TET2: variants seen among roughly 807,000 people sequenced by gnomAD.
TET2 encodes the protein methylcytosine dioxygenase TET2.
TET2 carries 299 observed loss-of-function variants against 142.9 expected under a neutral mutation model. The observed-to-expected ratio is 2.09, with a 90% CI of 1.90 to 2.30. The LOEUF (loss-of-function observed/expected upper bound fraction) is 2.30, where lower values mean the gene tolerates loss of function less well. Among genes scored for constraint, TET2 ranks in the 30% most tolerant of loss-of-function variants. The pLI is 0.00. For missense variants in TET2, 2,418 were observed against 2,378.0 expected, an observed-to-expected ratio of 1.02 and a Z score of -0.35; for synonymous variants, 819 against 849.0, an observed-to-expected ratio of 0.96 and a Z score of 0.61.
intron 8 of TET2, 141 bp from the exon 9 acceptor site, chr4:105,269,469 G>C (rs528500057): frequency 2.4e-6 from 2 of 844,502 alleles, no homozygotes; most frequent in African/African-American, 1.7e-5. Context: ...GCTCTATTTT[G>C]TGTCATTCCA....
chr4:105,245,459 T>C (rs1729540022), intron 6 of TET2, among the ~76,000 whole-genome samples: 1 of 152,104 alleles, frequency 6.6e-6, no homozygotes, highest in African/African-American at 2.4e-5. Context: ...GCCTCCCGAA[T>C]AGCTGGGATT....
Position 105,275,717 on chromosome 4 carries a change from CCACCTCT to C in TET2, c.5208_5214del (p.Thr1737AspfsTer6). ...GAGATGGATGGCCACTTCATGGGAG[CCACCTCT>C]AGATTACCACCCAATCTGAGCAATC... On this transcript the variant is annotated frameshift_variant, in exon 11 of 11. Transcript: ENST00000380013. LOFTEE classifies it low-confidence loss of function (END_TRUNC). 1 of 1,551,678 alleles carries C rather than the reference CCACCTCT, an allele frequency of 6.4e-7. No homozygotes were observed. The highest frequency in any genetic ancestry group is 8.7e-7 in the Non-Finnish European group (1 of 1,146,920).
At position 105,270,271 on chromosome 4, in the gene TET2, A is replaced by G. The variant is rs557779550; in HGVS notation, c.4182+524A>G. On this transcript the variant is annotated intron_variant, in intron 9 of 10. Transcript: ENST00000380013. ...GTTGCAAAGTGACCTGCTTTGGCAT[A>G]ACTAGCACTCTCATGATAGGTTGGC... 4.6e-5 allele frequency among the ~76,000 whole-genome samples: 7 copies of G among 152,326 alleles called. No homozygotes were observed. The South Asian group carries it at 1.2e-3, about 27-fold the overall frequency.
In TET2 at chr4:105,236,679, C is replaced by T. The variant is rs1368725108; in HGVS notation, c.2737C>T (p.Gln913Ter). The change falls in exon 3 of 11, where the codon CAA (glutamine) becomes TAA (stop). Residue 913 changes from glutamine (Q) to a stop codon, truncating the protein, a stop_gained. Coordinates refer to ENST00000380013, the MANE Select transcript of TET2 (RefSeq NM_001127208.3). LOFTEE classifies it high-confidence loss of function. ...NQDMSGQQAA[Q>*]LAQQRYLIHN... ...AGATATGTCTGGTCAACAAGCTGCG[C>T]AACTTGCTCAGCAAAGGTACTTGAT... The T allele has an allele frequency of 3.1e-6, 5 of 1,614,080 alleles. No homozygotes were observed. The highest frequency in any genetic ancestry group is 4.2e-6 in the Non-Finnish European group (5 of 1,179,996).
At chr4:105,176,987 A>G (rs775718831) in intron 1 of TET2, among the ~76,000 whole-genome samples, 8 of 152,228 alleles carry the variant, frequency 5.3e-5, no homozygotes, top group Non-Finnish European at 1.2e-4. Context: ...ATCTTTGACA[A>G]GGGAGCAAAG....
chr4:105,150,040 T>C (rs1230619660), intron 1 of TET2, among the ~76,000 whole-genome samples: 2 of 152,158 alleles, frequency 1.3e-5, no homozygotes, highest in Non-Finnish European at 2.9e-5. Flanking sequence ...CCCCAAACAA[T>C]GTTGTAAGTC....
intron 1 of TET2, among the ~76,000 whole-genome samples, chr4:105,180,756 C>T (rs960124592): frequency 9.9e-5 from 15 of 152,112 alleles, no homozygotes; most frequent in African/African-American, 3.6e-4. Flanking sequence ...TCTCCTGCCT[C>T]AGCCTGCCGG....
At chr4:105,207,211 G>A (rs1056042321) in intron 2 of TET2, among the ~76,000 whole-genome samples, 1 of 152,050 alleles carries the variant, frequency 6.6e-6, no homozygotes, top group Non-Finnish European at 1.5e-5. Context: ...GTAAGTATAC[G>A]GGGAAATTAA....
intron 2 of TET2, among the ~76,000 whole-genome samples, chr4:105,216,632 T>A (rs1456961150): frequency 6.6e-6 from 1 of 152,078 alleles, no homozygotes; most frequent in Non-Finnish European, 1.5e-5. Context: ...AAGTAATGAT[T>A]TGCCACAGGT....
intron 2 of TET2, among the ~76,000 whole-genome samples, chr4:105,197,069 T>G (rs1268923270): frequency 2.0e-5 from 3 of 152,186 alleles, no homozygotes; most frequent in African/African-American, 7.2e-5. Context: ...TATCGGAGCT[T>G]GAACCTCAGA....
Position 105,276,600 on chromosome 4 carries a change from G to A in TET2, c.*81G>A, listed in dbSNP as rs1057243026. 2.3e-5 allele frequency: 32 copies of A among 1,408,326 alleles called. No homozygotes were observed. In the East Asian group the frequency reaches 7.8e-4, roughly 34 times the overall value. The allele number at this position is 1,408,326 out of a possible 1,614,324, so 87.2% of individuals were successfully genotyped here. A position where few individuals can be genotyped will look rare whatever the true frequency, so the allele number is the denominator to read the frequency against. On this transcript the variant is annotated 3_prime_UTR_variant, in exon 11 of 11. Transcript: ENST00000380013. ...TAGTATAGTTCTCATGACGTGGGCA[G>A]TGGGGAAAGGTCACAGTATTCATGA...
At chr4:105,222,519 A>G (rs1344866315) in intron 2 of TET2, among the ~76,000 whole-genome samples, 2 of 152,174 alleles carry the variant, frequency 1.3e-5, no homozygotes, top group African/African-American at 4.8e-5. Flanking sequence ...TCTTCTTTTG[A>G]GAAGTGTCTG....
intron 1 of TET2, among the ~76,000 whole-genome samples, chr4:105,186,761 C>G (rs548249504): frequency 6.6e-6 from 1 of 152,024 alleles, no homozygotes; most frequent in Non-Finnish European, 1.5e-5. Context: ...CATGAGCCAC[C>G]GCGGCCTGGC....
intron 10 of TET2, among the ~76,000 whole-genome samples, chr4:105,274,185 T>C (rs554166781): frequency 1.1e-3 from 160 of 152,358 alleles, no homozygotes; most frequent in African/African-American, 3.8e-3. Context: ...TGCTCCCTTT[T>C]AACTGGCTTC....
chr4:105,239,685 T>G (rs1445873607), intron 3 of TET2: 1 of 234,212 alleles, frequency 4.3e-6, no homozygotes, highest in Admixed American at 5.7e-5. Context: ...TAAGGCCGTT[T>G]TGCTTTCTTA....
rs1372410810 is a variant in TET2, at chr4:105,275,423, C to A, written c.4913C>A (p.Ser1638Ter). Residue 1638 changes from serine to a stop codon, truncating the protein, a stop_gained, in exon 11 of 11, where the codon TCA becomes TAA. Coordinates refer to ENST00000380013, the MANE Select transcript of TET2 (RefSeq NM_001127208.3). LOFTEE classifies it low-confidence loss of function (END_TRUNC). ...TCATATCAATGCAATGGAAACCTAT[C>A]AGTGGACAACTGCTCCCCATATCTG... Reference protein sequence around the residue: ...YPSYQCNGNLSVDNCSPYLGS... With the variant: ...YPSYQCNGNL 6.4e-7 allele frequency: 1 copy of A among 1,551,678 alleles called. No homozygotes were observed. The highest frequency in any genetic ancestry group is 1.2e-5 in the South Asian group (1 of 84,052).
intron 1 of TET2, among the ~76,000 whole-genome samples, chr4:105,175,820 C>T (rs1724755109): frequency 6.6e-6 from 1 of 151,718 alleles, no homozygotes; most frequent in Admixed American, 6.6e-5. Flanking sequence ...CGAAAGAATC[C>T]AGAAGGAAAA....
At chr4:105,237,824 C>A (rs936623872) in intron 3 of TET2, 3 of 1,106,320 alleles carry the variant, frequency 2.7e-6, no homozygotes, top group Non-Finnish European at 3.3e-6. Context: ...TTATTATCTT[C>A]AGTCTTCATG....
chr4:105,193,543 G>A (rs539158135), intron 2 of TET2, among the ~76,000 whole-genome samples: 1 of 152,204 alleles, frequency 6.6e-6, no homozygotes, highest in African/African-American at 2.4e-5. Flanking sequence ...AGTAGTTGGA[G>A]TAATTTAGGA....
Sources: allele counts gnomAD v4.1 joint callset (sites outside exome capture counted in the v4.1 genomes callset), GRCh38; gene constraint gnomAD v4.1.1; transcripts MANE v1.5; gene names NCBI Gene and HGNC (gene_info 2026-07-23, HGNC 2026-07-21).